CACNA1C: variants seen among roughly 807,000 people sequenced by gnomAD.
CACNA1C encodes the protein calcium voltage-gated channel subunit alpha1 C, also known as voltage-dependent L-type calcium channel subunit alpha-1C.
In CACNA1C, 30 loss-of-function variants were observed where a neutral mutation model predicts 229.0. The ratio of observed to expected loss-of-function variants is 0.13; its 90% CI spans 0.10 to 0.18. CACNA1C has a LOEUF of 0.18. Ranked by LOEUF, CACNA1C falls within the 10% of genes least tolerant of loss-of-function variation. The probability of loss-of-function intolerance (pLI) is 1.00; values close to 1 mark genes in which losing one functional copy is unlikely to be tolerated. For synonymous variants in CACNA1C, 1,114 were observed against 1,132.5 expected (o/e 0.98, Z 0.33); for missense variants, 1,658 against 2,845.0 (o/e 0.58, Z 9.49).
chr12:2,476,265 C>T (rs767170900), intron 5 of CACNA1C, among the ~76,000 whole-genome samples: 1 of 152,204 alleles, frequency 6.6e-6, no homozygotes, highest in Non-Finnish European at 1.5e-5. Context: ...TGACGCGGGC[C>T]AACAAGTGGC....
At chr12:2,569,437 A>C (rs2053154427) in intron 13 of CACNA1C, among the ~76,000 whole-genome samples, 1 of 152,004 alleles carries the variant, frequency 6.6e-6, no homozygotes, top group South Asian at 2.1e-4. Flanking sequence ...CCAGAAAGAA[A>C]CTCCATACCC....
At chr12:2,546,526 C>T (rs1394039886) in intron 9 of CACNA1C, among the ~76,000 whole-genome samples, 4 of 148,052 alleles carry the variant, frequency 2.7e-5, no homozygotes, top group Non-Finnish European at 3.0e-5. Context: ...TCTTCACACT[C>T]TTCCGTGCAG....
At chr12:2,243,798 G>A (rs780773793) in intron 3 of CACNA1C, among the ~76,000 whole-genome samples, 1 of 152,148 alleles carries the variant, frequency 6.6e-6, no homozygotes, top group East Asian at 1.9e-4. Context: ...GCCAATGCTG[G>A]GCACTGAATT....
intron 3 of CACNA1C, among the ~76,000 whole-genome samples, chr12:2,398,849 G>A (rs1384531471): frequency 6.6e-6 from 1 of 152,174 alleles, no homozygotes; most frequent in Non-Finnish European, 1.5e-5. Context: ...CCTCAGGACA[G>A]GAAGAAATCA....
rs148378511 is a variant in CACNA1C at position 2,681,456 on chromosome 12, G to A, written c.5445-1094G>A. 2.3e-4 allele frequency among the ~76,000 whole-genome samples: 35 copies of A among 152,282 alleles called. No homozygotes were observed. In the East Asian group the frequency reaches 5.4e-3, roughly 24 times the overall value. On this transcript the variant is annotated intron_variant, in intron 42 of 46. Coordinates refer to ENST00000399655, the MANE Select transcript of CACNA1C (RefSeq NM_000719.7). ...CCCACGTCCCAGCTCCCTTGTCCCC[G>A]TGTCACAGCTCAAGGCTAACGGCAG...
intron 38 of CACNA1C, among the ~76,000 whole-genome samples, chr12:2,670,566 A>C (rs1364562667): frequency 1.3e-5 from 2 of 152,196 alleles, no homozygotes; most frequent in African/African-American, 2.4e-5. Flanking sequence ...GATTTTTAAA[A>C]AATAAAAATA....
Position 2,207,988 on chromosome 12 carries a change from A to G in CACNA1C, c.477+87558A>G, listed in dbSNP as rs2097801058. On this transcript the variant is annotated intron_variant, in intron 3 of 46. Transcript: ENST00000399655. ...ACAGAACAAACAATAAGAATGGAGC[A>G]TTCATATAAGGAACATAACAAATAG... is the stretch of plus-strand genomic sequence containing the variant. 1.3e-5 allele frequency among the ~76,000 whole-genome samples: 2 copies of G among 152,228 alleles called. 1 individual carries two copies. Among genetic ancestry groups the G allele is most frequent in the South Asian group, 4.1e-4 (2 of 4,838 alleles).
At chr12:1,980,690 T>TTTTTTTTTTTTTTTTTGAGACGG (rs2035858215) in intron 1 of CACNA1C, among the ~76,000 whole-genome samples, 1 of 147,530 alleles carries the variant, frequency 6.8e-6, no homozygotes, top group Non-Finnish European at 1.5e-5. Flanking sequence ...TAACTATTTT[T>TTTTTTTTTTTTTTTTTGAGACGG]AATAAAGAGT....
intron 4 of CACNA1C, among the ~76,000 whole-genome samples, chr12:2,450,494 C>T (rs2099356333): frequency 8.0e-6 from 1 of 125,396 alleles, no homozygotes; most frequent in Non-Finnish European, 1.6e-5. Context: ...GCGGAGCTTA[C>T]AGTGAGCCGA....
intron 29 of CACNA1C, among the ~76,000 whole-genome samples, chr12:2,625,995 T>TAC (rs758066874): frequency 9.2e-5 from 14 of 152,176 alleles, no homozygotes; most frequent in Non-Finnish European, 1.5e-4. Context: ...CAAGGGCAAG[T>TAC]ACTCTGGTTA....
At chr12:2,330,423 C>T (rs770978615) in intron 3 of CACNA1C, among the ~76,000 whole-genome samples, 1 of 152,168 alleles carries the variant, frequency 6.6e-6, no homozygotes, top group Non-Finnish European at 1.5e-5. Flanking sequence ...TATTGAGTTC[C>T]TCCATGTGCT....
intron 3 of CACNA1C, among the ~76,000 whole-genome samples, chr12:2,161,218 T>C (rs1021672402): frequency 6.6e-6 from 1 of 152,192 alleles, no homozygotes; most frequent in Non-Finnish European, 1.5e-5. Flanking sequence ...CAATAACAGC[T>C]TATGTGATTG....
chr12:2,581,484 GAGTGGC>G, intron 13 of CACNA1C, 100 bp from the exon 14 acceptor site: 1 of 1,021,288 alleles, frequency 9.8e-7, no homozygotes. Context: ...AAAGAGCATA[GAGTGGC>G]AGCTCCTCTG....
intron 9 of CACNA1C, among the ~76,000 whole-genome samples, chr12:2,537,644 T>C (rs1165741350): frequency 6.6e-6 from 1 of 152,196 alleles, no homozygotes; most frequent in Non-Finnish European, 1.5e-5. Flanking sequence ...ATGTGGCACT[T>C]AGCACTTAAA....
chr12:2,625,550 T>C (rs1018646200), intron 29 of CACNA1C, among the ~76,000 whole-genome samples: 2 of 151,892 alleles, frequency 1.3e-5, no homozygotes. Flanking sequence ...GAAGGTAGCC[T>C]CTCAGCAAGA....
At position 2,601,827 on chromosome 12, in the gene CACNA1C, CT is replaced by C. The variant is rs764750070; in HGVS notation, c.2854-26del. ...TGGGCTAGGGCTAGGGCCACTCACA[CT>C]GGTGTTCCTTTGTCCCTCCCTGCAG... On this transcript the variant is annotated intron_variant, in intron 21 of 46. Transcript: ENST00000399655. The surrounding 1 kb of genome is among the most constrained non-coding windows in gnomAD (Gnocchi z 5.9). The C allele has an allele frequency of 1.1e-5, 17 of 1,495,472 alleles. No individual in the cohort carries two copies. The highest frequency in any genetic ancestry group is 1.2e-5 in the Non-Finnish European group (13 of 1,072,118). 92.6% of individuals were successfully genotyped at this position (1,495,472 alleles called of 1,614,324 possible).
chr12:2,341,750 C>G (rs538966749), intron 3 of CACNA1C, among the ~76,000 whole-genome samples: 7 of 152,212 alleles, frequency 4.6e-5, no homozygotes, highest in Non-Finnish European at 8.8e-5. Flanking sequence ...GCACGTGTGA[C>G]GGACCCTCAT....
At position 2,260,613 on chromosome 12, in the gene CACNA1C, G is replaced by A. The variant is rs75824979; in HGVS notation, c.477+140183G>A. On this transcript the variant is annotated intron_variant, in intron 3 of 46. Coordinates refer to ENST00000399655, the MANE Select transcript of CACNA1C (RefSeq NM_000719.7). ...CTTCTGCTGGTGGGGCCCTCGGCCC[G>A]TCCTGGAGTCGGGGTAGCATCATGG... 5.6e-3 allele frequency among the ~76,000 whole-genome samples: 849 copies of A among 152,304 alleles called. 1 individual carries two copies. The highest frequency in any genetic ancestry group is 0.01 in the Middle Eastern group (3 of 294).
intron 11 of CACNA1C, among the ~76,000 whole-genome samples, chr12:2,559,046 G>T (rs1480528640): frequency 6.6e-6 from 1 of 152,118 alleles, no homozygotes; most frequent in African/African-American, 2.4e-5. Flanking sequence ...ATAAATATTT[G>T]CTGGGTGAGT....
Sources: allele counts gnomAD v4.1 joint callset (sites outside exome capture counted in the v4.1 genomes callset), GRCh38; gene constraint gnomAD v4.1.1; non-coding constraint Gnocchi (gnomAD v3.1); transcripts MANE v1.5; gene names NCBI Gene and HGNC (gene_info 2026-07-23, HGNC 2026-07-21).